CYRIA: variants seen among roughly 807,000 people sequenced by gnomAD.
CYRIA encodes the protein CYFIP related Rac1 interactor A, also known as CYFIP-related Rac1 interactor A.
In CYRIA, 15 loss-of-function variants were observed where a neutral mutation model predicts 43.9. The observed-to-expected ratio is 0.34, with a 90% CI of 0.23 to 0.53. CYRIA has a LOEUF of 0.53. Among genes scored for constraint, CYRIA ranks in the 20% least tolerant of loss-of-function variants. The pLI is 0.94. For synonymous variants in CYRIA, 117 were observed against 136.0 expected, an observed-to-expected ratio of 0.86 and a Z score of 0.97; for missense variants, 236 against 394.2, an observed-to-expected ratio of 0.60 and a Z score of 3.40.
At chr2:16,558,913 A>T (rs760744544) in intron 10 of CYRIA, among the ~76,000 whole-genome samples, 4 of 152,064 alleles carry the variant, frequency 2.6e-5, no homozygotes, top group Non-Finnish European at 2.9e-5. Flanking sequence ...GATGTTTGAA[A>T]CATGTCTGAA....
intron 1 of CYRIA, among the ~76,000 whole-genome samples, chr2:16,626,669 A>G (rs909168519): frequency 1.3e-5 from 2 of 152,204 alleles, no homozygotes; most frequent in Non-Finnish European, 2.9e-5. Flanking sequence ...CCAAGTGTCC[A>G]TTAGGGAGAA....
chr2:16,559,570 A>T lies in CYRIA; in HGVS notation c.727T>A (p.Phe243Ile). The T allele has an allele frequency of 6.2e-7, 1 of 1,612,628 alleles. No individual in the cohort carries two copies. The highest frequency in any genetic ancestry group is 8.5e-7 in the Non-Finnish European group (1 of 1,179,152). Residue 243 changes from phenylalanine (F) to isoleucine (I), a missense_variant, in exon 10 of 12, where the codon TTT becomes ATT. Physicochemically the swap from Phe to Ile is conservative, Grantham distance 21 (BLOSUM62 0). This residue lies in a region of CYRIA where 193 missense variants were observed against 303.9 expected (regional missense o/e 0.64). Transcript: ENST00000381323. ...AACATCAGGGTCTCTTCACTCGTAAACCTACTTCTGTACTCCCTGCAAGAG... is the reference window on the plus strand; with the variant it reads ...AACATCAGGGTCTCTTCACTCGTAATCCTACTTCTGTACTCCCTGCAAGAG... ...MLETPEYRSR[F>I]TSEETLMFCM...
chr2:16,606,351 C>T (rs1277642647), intron 2 of CYRIA, among the ~76,000 whole-genome samples: 1 of 151,712 alleles, frequency 6.6e-6, no homozygotes, highest in African/African-American at 2.4e-5. Flanking sequence ...ATTCCTCTTC[C>T]CGATGCCCTT....
chr2:16,629,955 G>A (rs1459806268), intron 1 of CYRIA, among the ~76,000 whole-genome samples: 1 of 152,200 alleles, frequency 6.6e-6, no homozygotes, highest in Non-Finnish European at 1.5e-5. Flanking sequence ...AGCCGAGCAT[G>A]GAAGAAGCCC....
At chr2:16,653,387 G>A (rs906638033) in intron 1 of CYRIA, among the ~76,000 whole-genome samples, 8 of 152,112 alleles carry the variant, frequency 5.3e-5, no homozygotes, top group Non-Finnish European at 1.2e-4. Flanking sequence ...ATTATTTTAC[G>A]TCCTTCAGGC....
At chr2:16,579,952 G>GTT (rs57546570) in intron 3 of CYRIA, among the ~76,000 whole-genome samples, 21 of 145,882 alleles carry the variant, frequency 1.4e-4, no homozygotes, top group African/African-American at 1.8e-4. Context: ...TTAAAAGGAA[G>GTT]TTTTTTTTTT....
rs908468078 is a variant in CYRIA, at chr2:16,549,470, A to G, written c.*3466T>C. On this transcript the variant is annotated 3_prime_UTR_variant, in exon 12 of 12. Coordinates refer to ENST00000381323, the MANE Select transcript of CYRIA (RefSeq NM_030797.4). ...AAAATAGAGGTGCATTTTTAAATAT[A>G]TGTACCAAACTTTAATTTTCATTTC... 2.6e-5 allele frequency: 4 copies of G among 152,098 alleles called. No individual in the cohort carries two copies. Among genetic ancestry groups the G allele is most frequent in the Non-Finnish European group, 1.5e-5 (1 of 68,012 alleles). 9.4% of individuals were successfully genotyped at this position (152,098 alleles called of 1,614,324 possible).
At chr2:16,660,107 C>T (rs1034240280) in intron 1 of CYRIA, among the ~76,000 whole-genome samples, 3 of 152,166 alleles carry the variant, frequency 2.0e-5, no homozygotes, top group African/African-American at 7.2e-5. Flanking sequence ...GGCAACCCTG[C>T]TAACTAAAAC....
chr2:16,626,995 C>A (rs1342051166), intron 1 of CYRIA, among the ~76,000 whole-genome samples: 1 of 151,562 alleles, frequency 6.6e-6, no homozygotes, highest in African/African-American at 2.4e-5. Flanking sequence ...ATGGAGAAGC[C>A]GAAATCAGAG....
chr2:16,582,367 G>A (rs776954380), intron 3 of CYRIA, among the ~76,000 whole-genome samples: 8 of 152,048 alleles, frequency 5.3e-5, no homozygotes, highest in Non-Finnish European at 8.8e-5. Flanking sequence ...TTTAATTCAC[G>A]TGCCATACGA....
chr2:16,556,197 G>A (rs1321054174), intron 10 of CYRIA, among the ~76,000 whole-genome samples: 1 of 152,124 alleles, frequency 6.6e-6, no homozygotes, highest in Non-Finnish European at 1.5e-5. Flanking sequence ...CTTACGGCCT[G>A]ATAGACCCTG....
intron 1 of CYRIA, among the ~76,000 whole-genome samples, chr2:16,649,559 A>ACCTCTG (rs1669912530): frequency 6.6e-6 from 1 of 151,152 alleles, no homozygotes. Context: ...TAGTTGTGTA[A>ACCTCTG]TACAGGGCAT....
At chr2:16,590,174 C>T (rs1667875060) in intron 2 of CYRIA, among the ~76,000 whole-genome samples, 1 of 152,060 alleles carries the variant, frequency 6.6e-6, no homozygotes, top group Admixed American at 6.6e-5. Context: ...CCTTCCCTGC[C>T]TTTATGCCCA....
intron 9 of CYRIA, among the ~76,000 whole-genome samples, chr2:16,559,820 T>C (rs547645960): frequency 2.2e-4 from 34 of 152,270 alleles, no homozygotes; most frequent in African/African-American, 8.2e-4. Flanking sequence ...AATTCCCTTC[T>C]CATCTGCCCT....
At chr2:16,583,391 T>C (rs1667618128) in intron 3 of CYRIA, among the ~76,000 whole-genome samples, 1 of 152,132 alleles carries the variant, frequency 6.6e-6, no homozygotes, top group African/African-American at 2.4e-5. Context: ...GATGCATGAA[T>C]TAAAGGTGGT....
At chr2:16,631,495 T>C (rs1669329552) in intron 1 of CYRIA, among the ~76,000 whole-genome samples, 1 of 152,220 alleles carries the variant, frequency 6.6e-6, no homozygotes. Flanking sequence ...TAAGCTGATA[T>C]CCCAAATGCT....
intron 10 of CYRIA, among the ~76,000 whole-genome samples, chr2:16,558,852 A>T (rs1440609977): frequency 6.6e-6 from 1 of 152,122 alleles, no homozygotes; most frequent in African/African-American, 2.4e-5. Flanking sequence ...TCTGGCGACC[A>T]GAGAAGCAAG....
At chr2:16,648,937 G>A (rs1206971175) in intron 1 of CYRIA, among the ~76,000 whole-genome samples, 2 of 152,020 alleles carry the variant, frequency 1.3e-5, no homozygotes, top group South Asian at 2.1e-4. Context: ...TGTTCACACC[G>A]TGTTTAATAA....
rs182222005 is a variant in CYRIA at position 16,584,911 on chromosome 2, C to T, written c.70+3139G>A. Among the ~76,000 whole-genome samples the T allele has an allele frequency of 2.6e-5, 4 of 152,276 alleles. No homozygotes were observed. In the East Asian group the frequency reaches 7.7e-4, roughly 29 times the overall value. On this transcript the variant is annotated intron_variant, in intron 3 of 11. Transcript: ENST00000381323. Reference sequence around the variant, plus strand: ...TGTTTCCCAAAACTAGATGTATGCTCTTTTTCCTTCCTTACTGTCATGCCA... The same window carrying T: ...TGTTTCCCAAAACTAGATGTATGCTTTTTTTCCTTCCTTACTGTCATGCCA...
Sources: gnomAD v4.1 joint callset for allele counts (sites outside exome capture counted in the v4.1 genomes callset) on GRCh38, gnomAD v4.1.1 for gene constraint, gnomAD v4.1.1 regional missense constraint, MANE v1.5 for transcripts, NCBI Gene and HGNC (gene_info 2026-07-23, HGNC 2026-07-21) for gene names.